The following KCND3 variants were observed in gnomAD, a reference collection of about 807,000 sequenced individuals.
KCND3 encodes the protein A-type voltage-gated potassium channel KCND3.
In KCND3, 9 loss-of-function variants were observed where a neutral mutation model predicts 51.1. The observed-to-expected ratio is 0.18, with a 90% CI of 0.11 to 0.31. The LOEUF (loss-of-function observed/expected upper bound fraction) is 0.31. Ranked by LOEUF, KCND3 falls within the 10% of genes least tolerant of loss-of-function variation. The pLI is 1.00. For synonymous variants in KCND3, 349 were observed against 368.0 expected (o/e 0.95, Z 0.59); for missense variants, 526 against 903.8 (o/e 0.58, Z 5.36).
chr1:111,812,808 G>T (rs1665915872), intron 2 of KCND3, among the ~76,000 whole-genome samples: 1 of 152,192 alleles, frequency 6.6e-6, no homozygotes, highest in Admixed American at 6.5e-5. Context: ...GCACAGGCTG[G>T]CAGAAGAAGC....
At chr1:111,849,187 T>C (rs11102347) in intron 2 of KCND3, among the ~76,000 whole-genome samples, 25,950 of 152,112 alleles carry the variant, frequency 0.17, 2,777 homozygotes, top group East Asian at 0.5. Flanking sequence ...CACAGCAAAC[T>C]ACCCAAAGTG....
At chr1:111,935,776 G>A (rs9429611) in intron 2 of KCND3, among the ~76,000 whole-genome samples, 52,803 of 151,966 alleles carry the variant, frequency 0.35, 9,325 homozygotes, top group Middle Eastern at 0.4. Flanking sequence ...GGGGCCGAGG[G>A]GCCAAGGGTC....
chr1:111,855,934 G>A (rs1300529364), intron 2 of KCND3, among the ~76,000 whole-genome samples: 1 of 152,162 alleles, frequency 6.6e-6, no homozygotes, highest in Non-Finnish European at 1.5e-5. Flanking sequence ...AGGAGCTATG[G>A]CCTTCAACTA....
intron 2 of KCND3, among the ~76,000 whole-genome samples, chr1:111,815,764 A>G (rs1043411170): frequency 2.6e-5 from 4 of 151,854 alleles, no homozygotes; most frequent in Non-Finnish European, 5.9e-5. Flanking sequence ...TTACTGCTTT[A>G]GCTATTATCT....
intron 2 of KCND3, among the ~76,000 whole-genome samples, chr1:111,799,237 T>C (rs1665186678): frequency 6.6e-6 from 1 of 151,810 alleles, no homozygotes; most frequent in East Asian, 1.9e-4. Flanking sequence ...CAAGAGTGAG[T>C]CAACCAAACA....
Position 111,882,901 on chromosome 1 carries a change from G to A in KCND3, c.1107-95795C>T, listed in dbSNP as rs989365211. On this transcript the variant is annotated intron_variant, in intron 2 of 7. Coordinates refer to ENST00000302127, the MANE Select transcript of KCND3 (RefSeq NM_001378969.1). ...TTGCTGAATCTCTGTGGCTTGCTTG[G>A]AGTCCAGAGCAAATAAATGGTAAAA... Among the ~76,000 whole-genome samples the A allele has an allele frequency of 3.3e-5, 5 of 152,160 alleles. No individual in the cohort carries two copies. The East Asian group carries it at 9.6e-4, about 29-fold the overall frequency.
chr1:111,850,535 T>A (rs1157954556), intron 2 of KCND3, among the ~76,000 whole-genome samples: 1 of 152,226 alleles, frequency 6.6e-6, no homozygotes, highest in African/African-American at 2.4e-5. Context: ...ACAATCACTC[T>A]GGGAGCCTAA....
intron 2 of KCND3, among the ~76,000 whole-genome samples, chr1:111,876,915 G>A (rs1669075323): frequency 6.6e-6 from 1 of 152,188 alleles, no homozygotes; most frequent in Admixed American, 6.5e-5. Flanking sequence ...GGCTCCCAGG[G>A]ACCTTCGGCA....
At chr1:111,811,121 T>C (rs1055068112) in intron 2 of KCND3, among the ~76,000 whole-genome samples, 2 of 152,066 alleles carry the variant, frequency 1.3e-5, no homozygotes, top group African/African-American at 4.8e-5. Flanking sequence ...GTCTGAACAG[T>C]GTAATGGGGG....
At chr1:111,783,199 CAAAAAAAAAAA>C (rs67241053) in intron 3 of KCND3, among the ~76,000 whole-genome samples, 2 of 72,338 alleles carry the variant, frequency 2.8e-5, no homozygotes, top group East Asian at 8.4e-4. Context: ...AATTCAAAGA[CAAAAAAAAAAA>C]AAAAAAAAAA....
chr1:111,938,556 C>T (rs944260209), intron 2 of KCND3, among the ~76,000 whole-genome samples: 10 of 152,084 alleles, frequency 6.6e-5, no homozygotes, highest in African/African-American at 1.2e-4. Flanking sequence ...ATAGAGACAG[C>T]GGCAGTGGGG....
intron 2 of KCND3, among the ~76,000 whole-genome samples, chr1:111,824,225 A>C (rs1347081570): frequency 1.3e-5 from 2 of 152,086 alleles, no homozygotes; most frequent in African/African-American, 4.8e-5. Flanking sequence ...TGACAGCTCC[A>C]CGTGGAGAGC....
intron 2 of KCND3, among the ~76,000 whole-genome samples, chr1:111,975,536 T>C (rs984408908): frequency 6.6e-6 from 1 of 152,212 alleles, no homozygotes; most frequent in African/African-American, 2.4e-5. Context: ...CACCTTGATT[T>C]CTTGCCTGGA....
intron 2 of KCND3, among the ~76,000 whole-genome samples, chr1:111,893,367 G>A (rs1033150943): frequency 1.3e-5 from 2 of 152,146 alleles, no homozygotes; most frequent in Admixed American, 1.3e-4. Flanking sequence ...CAGGGTGGGG[G>A]CAGGGAGAAG....
chr1:111,807,966 A>C (rs1412381687), intron 2 of KCND3, among the ~76,000 whole-genome samples: 5 of 152,258 alleles, frequency 3.3e-5, no homozygotes, highest in Non-Finnish European at 7.3e-5. Flanking sequence ...GGAACTAAAA[A>C]GTGACCTAGA....
intron 2 of KCND3, among the ~76,000 whole-genome samples, chr1:111,889,553 T>C: frequency 6.6e-6 from 1 of 152,194 alleles, no homozygotes. Context: ...GAAATCTTTT[T>C]TTTTTAAATC....
chr1:111,851,617 C>T (rs1667818910), intron 2 of KCND3, among the ~76,000 whole-genome samples: 1 of 152,212 alleles, frequency 6.6e-6, no homozygotes, highest in Non-Finnish European at 1.5e-5. Flanking sequence ...AGTCTTTACC[C>T]CATTGTATTG....
chr1:111,866,267 T>TTC (rs556972682), intron 2 of KCND3, among the ~76,000 whole-genome samples: 1 of 61,560 alleles, frequency 1.6e-5, no homozygotes, highest in South Asian at 6.8e-4. Context: ...TCTTTTCTTT[T>TTC]TTTTTTTTTT....
chr1:111,928,599 T>C (rs1017404341), intron 2 of KCND3, among the ~76,000 whole-genome samples: 1 of 152,152 alleles, frequency 6.6e-6, no homozygotes, highest in Non-Finnish European at 1.5e-5. Context: ...GAACTTTCAC[T>C]CTCTGGGCAC....
Sources: gnomAD v4.1 joint callset for allele counts (sites outside exome capture counted in the v4.1 genomes callset) on GRCh38, gnomAD v4.1.1 for gene constraint, MANE v1.5 for transcripts, NCBI Gene and HGNC (gene_info 2026-07-23, HGNC 2026-07-21) for gene names.